CHST9: variants seen among roughly 807,000 people sequenced by gnomAD.
The protein encoded by CHST9 is GalNAc-4-sulfotransferase 2.
Under a neutral mutation model 44.4 loss-of-function variants are expected in CHST9, and 41 were observed. That is an observed-to-expected ratio of 0.92 (90% CI 0.72 to 1.20). The LOEUF (loss-of-function observed/expected upper bound fraction) is 1.20, where lower values mean the gene tolerates loss of function less well. CHST9 is among the 50% of genes most tolerant of loss of function. The pLI is 0.00. For synonymous variants in CHST9, 171 were observed against 178.4 expected, an observed-to-expected ratio of 0.96 and a Z score of 0.33; for missense variants, 504 against 516.5, an observed-to-expected ratio of 0.98 and a Z score of 0.23.
intron 2 of CHST9, among the ~76,000 whole-genome samples, chr18:27,075,154 T>A (rs1477016064): frequency 7.2e-6 from 1 of 139,760 alleles, no homozygotes; most frequent in Non-Finnish European, 1.6e-5. Flanking sequence ...GGGGTTGCTT[T>A]TTTTGTTTGT....
intron 2 of CHST9, among the ~76,000 whole-genome samples, chr18:27,068,676 A>C (rs374358673): frequency 6.6e-6 from 1 of 152,298 alleles, no homozygotes; most frequent in East Asian, 1.9e-4. Context: ...ATTCATTCAC[A>C]TAGTATGGAA....
At chr18:27,042,522 T>C (rs1235309700) in intron 3 of CHST9, among the ~76,000 whole-genome samples, 1 of 152,088 alleles carries the variant, frequency 6.6e-6, no homozygotes, top group East Asian at 1.9e-4. Flanking sequence ...CCAGATATTA[T>C]AAGCTGGCTC....
At chr18:26,979,000 G>A (rs2056659460) in intron 4 of CHST9, among the ~76,000 whole-genome samples, 1 of 151,352 alleles carries the variant, frequency 6.6e-6, no homozygotes, top group South Asian at 2.1e-4. Flanking sequence ...TGTTGTTTCC[G>A]TTTTTTTTAT....
chr18:27,077,307 A>C (rs1207375164), intron 2 of CHST9, among the ~76,000 whole-genome samples: 2 of 152,236 alleles, frequency 1.3e-5, no homozygotes, highest in Non-Finnish European at 2.9e-5. Flanking sequence ...AATACCCTTC[A>C]AATTCTCTTG....
chr18:26,959,211 CA>C (rs1399802495), intron 4 of CHST9, among the ~76,000 whole-genome samples: 2 of 152,168 alleles, frequency 1.3e-5, no homozygotes, highest in African/African-American at 4.8e-5. Context: ...AATTAATATC[CA>C]GGAACATAAA....
At chr18:26,930,910 T>G (rs2055865703) in intron 5 of CHST9, 1 of 114,708 alleles carries the variant, frequency 8.7e-6, no homozygotes, top group Non-Finnish European at 1.6e-5. Context: ...AGCCCAAGTC[T>G]CAGGAAGCAG....
rs538669874 is a variant in CHST9, at chr18:27,033,806, C to T, written c.161-9649G>A. ...AGAGCACATGGCCTCAGGTTTTCCA[C>T]GAGCACCAAAACAGAGCCTATCTAA... is the stretch of plus-strand genomic sequence containing the variant. On this transcript the variant is annotated intron_variant, in intron 3 of 5. Coordinates refer to ENST00000618847, the MANE Select transcript of CHST9 (RefSeq NM_031422.6). 9.8e-5 allele frequency among the ~76,000 whole-genome samples: 15 copies of T among 152,286 alleles called. No homozygotes were observed. In the South Asian group the frequency reaches 2.3e-3, roughly 23 times the overall value.
intron 2 of CHST9, among the ~76,000 whole-genome samples, chr18:27,104,853 G>A (rs776421136): frequency 6.6e-6 from 1 of 151,976 alleles, no homozygotes; most frequent in Non-Finnish European, 1.5e-5. Flanking sequence ...GAAAAAAAAT[G>A]AAATTTGTTT....
intron 4 of CHST9, among the ~76,000 whole-genome samples, chr18:26,962,825 A>G (rs1193991014): frequency 1.3e-5 from 2 of 152,164 alleles, no homozygotes; most frequent in African/African-American, 2.4e-5. Context: ...TGTCTGGTAT[A>G]AATGGGGAGA....
intron 3 of CHST9, among the ~76,000 whole-genome samples, chr18:27,035,258 G>T (rs2143509682): frequency 6.6e-6 from 1 of 152,192 alleles, no homozygotes; most frequent in Non-Finnish European, 1.5e-5. Context: ...ATGATTAGTG[G>T]TGTTGAATAT....
intron 4 of CHST9, among the ~76,000 whole-genome samples, chr18:26,946,921 C>A (rs910297773): frequency 2.0e-5 from 3 of 152,072 alleles, no homozygotes; most frequent in African/African-American, 7.2e-5. Context: ...GTTACTGTAG[C>A]CTTGTAGTAC....
intron 2 of CHST9, among the ~76,000 whole-genome samples, chr18:27,128,496 C>T (rs28447060): frequency 0.011 from 1,655 of 152,260 alleles, 25 homozygotes; most frequent in African/African-American, 0.035. Flanking sequence ...TCTCGAACTC[C>T]TGACCCCATG....
At chr18:27,012,445 A>C (rs1203707623) in intron 4 of CHST9, among the ~76,000 whole-genome samples, 1 of 151,038 alleles carries the variant, frequency 6.6e-6, no homozygotes, top group East Asian at 1.9e-4. Flanking sequence ...TGGATCTCAT[A>C]AAGATCTTCA....
At chr18:27,055,113 C>T (rs1378910907) in intron 2 of CHST9, among the ~76,000 whole-genome samples, 2 of 152,112 alleles carry the variant, frequency 1.3e-5, no homozygotes, top group African/African-American at 4.8e-5. Context: ...TTATTAATCA[C>T]ATCCTGTTGC....
chr18:26,987,375 T>C (rs2056766231), intron 4 of CHST9, among the ~76,000 whole-genome samples: 1 of 152,198 alleles, frequency 6.6e-6, no homozygotes, highest in Non-Finnish European at 1.5e-5. Context: ...TGTGGAATCA[T>C]ATGCCAAATA....
intron 4 of CHST9, among the ~76,000 whole-genome samples, chr18:26,998,900 G>A (rs960933778): frequency 5.3e-5 from 8 of 152,134 alleles, no homozygotes; most frequent in Non-Finnish European, 1.0e-4. Flanking sequence ...TTGAGGCCAC[G>A]CTCTTTCCCT....
intron 2 of CHST9, among the ~76,000 whole-genome samples, chr18:27,108,025 T>C (rs1255145786): frequency 1.3e-5 from 2 of 152,218 alleles, no homozygotes; most frequent in Non-Finnish European, 2.9e-5. Flanking sequence ...GTCTTCCATT[T>C]ATCCTAAGCA....
chr18:26,961,280 T>C (rs555997011), intron 4 of CHST9, among the ~76,000 whole-genome samples: 41 of 152,250 alleles, frequency 2.7e-4, no homozygotes, highest in Admixed American at 5.9e-4. Flanking sequence ...ATTGTATTTT[T>C]AGAACAATGT....
At chr18:27,017,431 A>G (rs181572838) in intron 4 of CHST9, among the ~76,000 whole-genome samples, 27 of 152,348 alleles carry the variant, frequency 1.8e-4, no homozygotes, top group Admixed American at 1.4e-3. Context: ...CATCAATAAA[A>G]AAGGAGTGAA....
Sources: allele counts gnomAD v4.1 joint callset (sites outside exome capture counted in the v4.1 genomes callset), GRCh38; gene constraint gnomAD v4.1.1; transcripts MANE v1.5; gene names NCBI Gene and HGNC (gene_info 2026-07-23, HGNC 2026-07-21).